The following AFAP1 variants were observed in gnomAD, a reference collection of about 807,000 sequenced individuals.
AFAP1 encodes the protein actin filament associated protein 1.
In AFAP1, 75 loss-of-function variants were observed where a neutral mutation model predicts 93.9. The observed-to-expected ratio is 0.80, with a 90% CI of 0.66 to 0.97. The LOEUF (loss-of-function observed/expected upper bound fraction) is 0.97. AFAP1 is among the 50% of genes least tolerant of loss of function. AFAP1 has a pLI of 0.00. For synonymous variants in AFAP1, 517 were observed against 430.7 expected, an observed-to-expected ratio of 1.20 and a Z score of -2.48; for missense variants, 1,201 against 1,050.8, an observed-to-expected ratio of 1.14 and a Z score of -1.98.
intron 1 of AFAP1, among the ~76,000 whole-genome samples, chr4:7,928,097 G>C (rs1328111232): frequency 6.6e-6 from 1 of 152,150 alleles, no homozygotes; most frequent in Non-Finnish European, 1.5e-5. Flanking sequence ...CATGGACCCA[G>C]TTCTGCTTCA....
chr4:7,931,113 G>A (rs929952200), intron 1 of AFAP1, among the ~76,000 whole-genome samples: 2 of 152,252 alleles, frequency 1.3e-5, no homozygotes, highest in African/African-American at 4.8e-5. Flanking sequence ...GGAGGAGCGG[G>A]GAGGGTAAGC....
intron 10 of AFAP1, among the ~76,000 whole-genome samples, chr4:7,799,658 A>G (rs1281068808): frequency 6.6e-6 from 1 of 152,222 alleles, no homozygotes; most frequent in Admixed American, 6.5e-5. Context: ...CATCTTGGTC[A>G]TAATAACACT....
At chr4:7,890,924 C>G (rs1450142194) in intron 1 of AFAP1, among the ~76,000 whole-genome samples, 1 of 152,018 alleles carries the variant, frequency 6.6e-6, no homozygotes, top group Non-Finnish European at 1.5e-5. Context: ...TGGCTATTTA[C>G]CTAAGAGACA....
intron 3 of AFAP1, among the ~76,000 whole-genome samples, chr4:7,858,235 G>C (rs1715289091): frequency 6.6e-6 from 1 of 152,210 alleles, no homozygotes; most frequent in African/African-American, 2.4e-5. Flanking sequence ...CACAGAGGCA[G>C]AAGGTCATTC....
chr4:7,907,744 T>TA (rs1455292312), intron 1 of AFAP1, among the ~76,000 whole-genome samples: 1 of 152,180 alleles, frequency 6.6e-6, no homozygotes, highest in East Asian at 1.9e-4. Context: ...TCCAAAAATG[T>TA]AAAAAAATCT....
intron 1 of AFAP1, among the ~76,000 whole-genome samples, chr4:7,909,823 AG>A (rs1460771561): frequency 1.3e-5 from 2 of 152,192 alleles, no homozygotes; most frequent in Non-Finnish European, 2.9e-5. Flanking sequence ...GTCTGGAGTC[AG>A]CATGCATGCT....
intron 2 of AFAP1, 80 bp downstream of exon 2, chr4:7,871,872 T>C: frequency 1.3e-6 from 2 of 1,507,320 alleles, no homozygotes; most frequent in East Asian, 2.3e-5. Flanking sequence ...AAATATATTT[T>C]AGAAAGGTGG....
At chr4:7,764,588 A>T (rs867413815) in intron 17 of AFAP1, among the ~76,000 whole-genome samples, 83 of 152,290 alleles carry the variant, frequency 5.5e-4, no homozygotes, top group Middle Eastern at 3.4e-3. Context: ...ATAGAAAAAA[A>T]TTTTTTTAAA....
At chr4:7,904,496 C>G (rs906959588) in intron 1 of AFAP1, among the ~76,000 whole-genome samples, 6 of 152,286 alleles carry the variant, frequency 3.9e-5, no homozygotes, top group Admixed American at 2.6e-4. Context: ...TTAGTGTGCA[C>G]TCACGAGGTG....
At chr4:7,895,980 C>G (rs1718743629) in intron 1 of AFAP1, among the ~76,000 whole-genome samples, 1 of 151,516 alleles carries the variant, frequency 6.6e-6, no homozygotes, top group Non-Finnish European at 1.5e-5. Flanking sequence ...CCTGCCTCAG[C>G]CTCCTGAGCA....
rs552708925 is a variant in AFAP1 at position 7,838,228 on chromosome 4, T to G, written c.726+296A>C. 8.6e-5 allele frequency among the ~76,000 whole-genome samples: 13 copies of G among 151,954 alleles called. 1 individual carries two copies. In the East Asian group the frequency reaches 2.1e-3, roughly 25 times the overall value. On this transcript the variant is annotated intron_variant, in intron 6 of 17. Transcript: ENST00000420658. Reference sequence around the variant, plus strand: ...CAGCCAATCCCAACCAGAATAAAATTTAAAAAGAATTCATATGCAGACACA... The same window carrying G: ...CAGCCAATCCCAACCAGAATAAAATGTAAAAAGAATTCATATGCAGACACA...
chr4:7,909,973 T>G (rs1719637726), intron 1 of AFAP1, among the ~76,000 whole-genome samples: 1 of 152,212 alleles, frequency 6.6e-6, no homozygotes, highest in Non-Finnish European at 1.5e-5. Context: ...CTCCACTCCC[T>G]AATAATATTG....
intron 8 of AFAP1, among the ~76,000 whole-genome samples, chr4:7,814,793 G>A (rs1720333661): frequency 6.6e-6 from 1 of 152,218 alleles, no homozygotes; most frequent in African/African-American, 2.4e-5. Flanking sequence ...GGGGCTGGGG[G>A]GTTAGAGCCG....
intron 1 of AFAP1, among the ~76,000 whole-genome samples, chr4:7,875,491 C>T (rs191661516): frequency 1.8e-4 from 27 of 152,118 alleles, no homozygotes; most frequent in Admixed American, 1.0e-3. Context: ...TGTTGGCTCA[C>T]GTCTGTAATC....
chr4:7,820,000 A>G lies in AFAP1; in HGVS notation c.727-829T>C, dbSNP rs150409464. 2.6e-5 allele frequency among the ~76,000 whole-genome samples: 4 copies of G among 152,324 alleles called. No homozygotes were observed. In the East Asian group the frequency reaches 7.7e-4, roughly 29 times the overall value. ...CTTGATTGTTAAAAGGCTGTAGAAA[A>G]CACTCTAGTTGCTGTGGGAAGAAAT... is the stretch of plus-strand genomic sequence containing the variant. On this transcript the variant is annotated intron_variant, in intron 6 of 17. Transcript: ENST00000420658.
chr4:7,827,486 G>A (rs1039466940), intron 6 of AFAP1, among the ~76,000 whole-genome samples: 9 of 148,020 alleles, frequency 6.1e-5, no homozygotes, highest in African/African-American at 1.0e-4. Flanking sequence ...CAGGAGAATC[G>A]CTTGAACCCG....
At position 7,851,373 on chromosome 4, in the gene AFAP1, C is replaced by T. The variant is rs559086659; in HGVS notation, c.334+4093G>A. Among the ~76,000 whole-genome samples, 30 of 152,294 alleles carry T rather than the reference C, an allele frequency of 2.0e-4. No homozygotes were observed. The South Asian group carries it at 5.0e-3, about 25-fold the overall frequency. The stretch of plus-strand genomic sequence containing the variant: ...CGAGCAAGCAGCCCTTAGTCCTGTG[C>T]GCTGCCTCTTCCCTCAACAACCATT... On this transcript the variant is annotated intron_variant, in intron 4 of 17. Coordinates refer to ENST00000420658, the MANE Select transcript of AFAP1 (RefSeq NM_001134647.2).
intron 16 of AFAP1, among the ~76,000 whole-genome samples, chr4:7,770,002 A>C (rs557293496): frequency 2.6e-4 from 40 of 152,310 alleles, no homozygotes; most frequent in African/African-American, 9.6e-4. Context: ...AGGTGACCCA[A>C]AGACCTGCAT....
rs773606660 is a variant in AFAP1 at position 7,868,635 on chromosome 4, G to C, written c.212C>G (p.Pro71Arg). 1 of 1,612,110 alleles carries C rather than the reference G, an allele frequency of 6.2e-7. No individual in the cohort carries two copies. The change falls in exon 3 of 18, where the codon CCT (proline) becomes CGT (arginine). Residue 71 changes from proline (P) to arginine (R), a missense_variant. Transcript: ENST00000420658. The part of the protein sequence containing the change: ...APPQMPLPEI[P>R]QPWLPPDSGP... The stretch of plus-strand genomic sequence containing the variant: ...ACCTTGACTCACCAGCCAGGGCTGA[G>C]GGATCTCCGGCAGGGGCATCTGAGG...
Sources: gnomAD v4.1 joint callset for allele counts (sites outside exome capture counted in the v4.1 genomes callset) on GRCh38, gnomAD v4.1.1 for gene constraint, MANE v1.5 for transcripts, NCBI Gene and HGNC (gene_info 2026-07-23, HGNC 2026-07-21) for gene names.